INPP4A: variants seen among roughly 807,000 people sequenced by gnomAD.
INPP4A encodes the protein inositol polyphosphate-4-phosphatase type I A.
Under a neutral mutation model 119.8 loss-of-function variants are expected in INPP4A, and 33 were observed. The observed-to-expected ratio is 0.28, with a 90% CI of 0.21 to 0.37. The LOEUF is 0.37. Among genes scored for constraint, INPP4A ranks in the 10% least tolerant of loss-of-function variants. INPP4A has a pLI of 1.00. For missense variants in INPP4A, 956 were observed against 1,289.9 expected (o/e 0.74, Z 3.97); for synonymous variants, 496 against 500.7 (o/e 0.99, Z 0.12).
At chr2:98,465,462 A>G (rs930341215) in intron 1 of INPP4A, among the ~76,000 whole-genome samples, 1 of 152,204 alleles carries the variant, frequency 6.6e-6, no homozygotes, top group Non-Finnish European at 1.5e-5. Context: ...AACTTAATTG[A>G]GTCTGCAAAT....
rs368487067 is a variant in INPP4A, at chr2:98,551,672, C to T, written c.1164-1114C>T. On this transcript the variant is annotated intron_variant, in intron 13 of 24. Transcript: ENST00000409851. ...TGGAGGATGTGGTGAGAGGTGCCCTCGCTCCTCCTCTCTCTCTCTTCCCCA... is the reference window on the plus strand; with the variant it reads ...TGGAGGATGTGGTGAGAGGTGCCCTTGCTCCTCCTCTCTCTCTCTTCCCCA... 2.1e-3 allele frequency among the ~76,000 whole-genome samples: 324 copies of T among 152,198 alleles called. 1 individual carries two copies. Among genetic ancestry groups the T allele is most frequent in the African/African-American group, 7.4e-3 (308 of 41,508 alleles).
chr2:98,541,231 G>A (rs1471475837), intron 10 of INPP4A, among the ~76,000 whole-genome samples: 1 of 151,920 alleles, frequency 6.6e-6, no homozygotes, highest in African/African-American at 2.4e-5. Context: ...GGAGGCAGAG[G>A]CAGGAGAATG....
At position 98,467,929 on chromosome 2, in the gene INPP4A, A is replaced by T. The variant is rs1369668409; in HGVS notation, c.-166+22844A>T. 2.0e-5 allele frequency among the ~76,000 whole-genome samples: 3 copies of T among 152,224 alleles called. No individual in the cohort carries two copies. In the South Asian group the frequency reaches 6.2e-4, roughly 32 times the overall value. ...TAAGTACCAACTTAGTGGTAATTTTACATGAAATGAAATGTTCTCTGGGTT... is the reference window on the plus strand; with the variant it reads ...TAAGTACCAACTTAGTGGTAATTTTTCATGAAATGAAATGTTCTCTGGGTT... On this transcript the variant is annotated intron_variant, in intron 1 of 24. Transcript: ENST00000409851.
At chr2:98,543,459 C>T (rs920186579) in intron 10 of INPP4A, among the ~76,000 whole-genome samples, 3 of 152,230 alleles carry the variant, frequency 2.0e-5, no homozygotes, top group African/African-American at 7.2e-5. Flanking sequence ...CGATTACTCA[C>T]AGCCTGCAGT....
chr2:98,583,962 C>G (rs1292392346), intron 24 of INPP4A, among the ~76,000 whole-genome samples: 1 of 152,244 alleles, frequency 6.6e-6, no homozygotes, highest in African/African-American at 2.4e-5. Context: ...TGTGTCACCC[C>G]TGTAAGTGAA....
chr2:98,526,713 AAAG>A (rs760424324), intron 4 of INPP4A, among the ~76,000 whole-genome samples: 3 of 152,226 alleles, frequency 2.0e-5, no homozygotes, highest in Non-Finnish European at 2.9e-5. Flanking sequence ...TTTATAAAGA[AAAG>A]AAGTTTAATT....
At chr2:98,542,518 G>T (rs1691656897) in intron 10 of INPP4A, among the ~76,000 whole-genome samples, 1 of 152,146 alleles carries the variant, frequency 6.6e-6, no homozygotes. Flanking sequence ...GAGAGTTTTA[G>T]TGTTTACTGA....
At position 98,577,285 on chromosome 2, in the gene INPP4A, C is replaced by T. The variant is rs530056075; in HGVS notation, c.2786+142C>T. 2.1e-5 allele frequency: 18 copies of T among 851,588 alleles called. No individual in the cohort carries two copies. The South Asian group carries it at 2.2e-4, about 10-fold the overall frequency. 52.8% of individuals were successfully genotyped at this position (851,588 alleles called of 1,614,324 possible). On this transcript the variant is annotated intron_variant, in intron 24 of 24. Coordinates refer to ENST00000409851, the MANE Select transcript of INPP4A (RefSeq NM_001134225.2). ...CCTTCACACTTGAGTTTGACAAACC[C>T]GTCAAACTATTGGCACTATCAAATT...
intron 1 of INPP4A, among the ~76,000 whole-genome samples, chr2:98,454,433 GA>G (rs1695751574): frequency 6.6e-6 from 1 of 152,166 alleles, no homozygotes; most frequent in Admixed American, 6.5e-5. Flanking sequence ...TGCTGGATGT[GA>G]ACCCAAGTCA....
intron 1 of INPP4A, among the ~76,000 whole-genome samples, chr2:98,446,019 C>T (rs1370676031): frequency 6.6e-6 from 1 of 152,200 alleles, no homozygotes; most frequent in Admixed American, 6.5e-5. Flanking sequence ...CAGAGAAATT[C>T]TGACTGGTCC....
chr2:98,456,664 C>T (rs1696198207), intron 1 of INPP4A, among the ~76,000 whole-genome samples: 1 of 152,120 alleles, frequency 6.6e-6, no homozygotes, highest in Admixed American at 6.6e-5. Flanking sequence ...CATTCTCACC[C>T]CTTTCTTCTG....
chr2:98,570,483 G>C lies in INPP4A; in HGVS notation c.2518+1815G>C, dbSNP rs544669981. Among the ~76,000 whole-genome samples, 2 of 152,336 alleles carry C rather than the reference G, an allele frequency of 1.3e-5. No homozygotes were observed. The highest frequency in any genetic ancestry group is 1.9e-4 in the East Asian group (1 of 5,178). On this transcript the variant is annotated intron_variant, in intron 22 of 24. Coordinates refer to ENST00000409851, the MANE Select transcript of INPP4A (RefSeq NM_001134225.2). The surrounding 1 kb of genome is among the most constrained non-coding windows in gnomAD (Gnocchi z 4.3). ...CTCCCATACAGTCTCACTGTGGTGA[G>C]GGCTGGGCCAGGGATCAAGGGGTGA...
chr2:98,505,196 A>G (rs1031530878), intron 1 of INPP4A, among the ~76,000 whole-genome samples: 2 of 152,246 alleles, frequency 1.3e-5, no homozygotes, highest in African/African-American at 4.8e-5. Flanking sequence ...CCATTTAGAA[A>G]AGGTTCAGGC....
Position 98,446,455 on chromosome 2 carries a change from C to T in INPP4A, c.-166+1370C>T, listed in dbSNP as rs115531350. Among the ~76,000 whole-genome samples, 1,301 of 151,474 alleles carry T rather than the reference C, an allele frequency of 8.6e-3. 30 individuals carry two copies. Among genetic ancestry groups the T allele is most frequent in the Non-Finnish European group, 6.6e-3 (447 of 67,886 alleles). ...TGTTGCAGGAGTGGTGCCAGGAGGC[C>T]GTGATGCTGTCTGTCCCAGGGGTGG... is the stretch of plus-strand genomic sequence containing the variant. On this transcript the variant is annotated intron_variant, in intron 1 of 24. Coordinates refer to ENST00000409851, the MANE Select transcript of INPP4A (RefSeq NM_001134225.2).
chr2:98,535,615 A>G lies in INPP4A; in HGVS notation c.271-114A>G, dbSNP rs188789392. ...TAAGCCGCCTTTAGCATTTGTGTTGATTCAAGGCAGTGAGAATGTTAGTTT... is the reference window on the plus strand; with the variant it reads ...TAAGCCGCCTTTAGCATTTGTGTTGGTTCAAGGCAGTGAGAATGTTAGTTT... On this transcript the variant is annotated intron_variant, in intron 5 of 24. Coordinates refer to ENST00000409851, the MANE Select transcript of INPP4A (RefSeq NM_001134225.2). 1.3e-5 allele frequency: 8 copies of G among 638,210 alleles called. No homozygotes were observed. In the East Asian group the frequency reaches 2.3e-4, roughly 18 times the overall value. 39.5% of individuals were successfully genotyped at this position (638,210 alleles called of 1,614,324 possible).
chr2:98,462,629 G>A (rs959399702), intron 1 of INPP4A, among the ~76,000 whole-genome samples: 5 of 151,116 alleles, frequency 3.3e-5, no homozygotes, highest in Admixed American at 6.6e-5. Flanking sequence ...AGGCTCAAGT[G>A]ATCTTCCCAC....
intron 7 of INPP4A, 49 bp from the exon 8 acceptor site, chr2:98,537,814 A>G (rs765914311): frequency 2.9e-6 from 4 of 1,401,554 alleles, no homozygotes; most frequent in Non-Finnish European, 3.0e-6. Context: ...TTCAGCAGAA[A>G]AGAAGCACAG....
At chr2:98,518,047 T>C (rs1686483145) in intron 1 of INPP4A, among the ~76,000 whole-genome samples, 1 of 152,238 alleles carries the variant, frequency 6.6e-6, no homozygotes, top group Non-Finnish European at 1.5e-5. Flanking sequence ...ACCATGTGTG[T>C]TCCTCATTTA....
At chr2:98,493,671 A>G (rs1681323810) in intron 1 of INPP4A, among the ~76,000 whole-genome samples, 1 of 152,106 alleles carries the variant, frequency 6.6e-6, no homozygotes, top group Non-Finnish European at 1.5e-5. Context: ...TGCTGGGATT[A>G]CAGCCTCAGC....
Sources: gnomAD v4.1 joint callset for allele counts (sites outside exome capture counted in the v4.1 genomes callset) on GRCh38, gnomAD v4.1.1 for gene constraint, Gnocchi (gnomAD v3.1) non-coding constraint, MANE v1.5 for transcripts, NCBI Gene and HGNC (gene_info 2026-07-23, HGNC 2026-07-21) for gene names.